Variants in ARFGEF3 observed in about 807,000 individuals in gnomAD.
The protein encoded by ARFGEF3 is ARFGEF family member 3.
ARFGEF3 carries 96 observed loss-of-function variants against 221.7 expected under a neutral mutation model. The ratio of observed to expected loss-of-function variants is 0.43; its 90% CI spans 0.37 to 0.51. ARFGEF3 has a LOEUF of 0.51. Ranked by LOEUF, ARFGEF3 falls within the 20% of genes least tolerant of loss-of-function variation. The probability of loss-of-function intolerance (pLI) is 0.00; values close to 1 mark genes in which losing one functional copy is unlikely to be tolerated. For synonymous variants in ARFGEF3, 1,145 were observed against 1,126.8 expected (o/e 1.02, Z -0.32); for missense variants, 2,410 against 2,789.9 (o/e 0.86, Z 3.07).
intron 22 of ARFGEF3, among the ~76,000 whole-genome samples, chr6:138,299,773 C>G (rs774821779): frequency 1.6e-4 from 24 of 152,248 alleles, no homozygotes; most frequent in Admixed American, 3.9e-4. Flanking sequence ...TCAATCAGGC[C>G]AAGGTTGAAT....
intron 32 of ARFGEF3, among the ~76,000 whole-genome samples, chr6:138,329,576 A>G (rs1780186505): frequency 6.6e-6 from 1 of 152,220 alleles, no homozygotes; most frequent in East Asian, 1.9e-4. Context: ...AGGCAGGAGA[A>G]TCGCTTGAAC....
At chr6:138,228,172 ATTTTTTT>A (rs549915422) in intron 4 of ARFGEF3, among the ~76,000 whole-genome samples, 5 of 106,438 alleles carry the variant, frequency 4.7e-5, no homozygotes, top group South Asian at 2.9e-4. Flanking sequence ...CACTGAGACA[ATTTTTTT>A]TTTTTTTTTT....
chr6:138,263,751 G>A, intron 12 of ARFGEF3, 140 bp downstream of exon 12: 1 of 804,262 alleles, frequency 1.2e-6, no homozygotes, highest in Non-Finnish European at 1.9e-6. Flanking sequence ...TTTAAAGAGG[G>A]CGAAGAAATC....
chr6:138,336,337 AT>A lies in ARFGEF3; in HGVS notation c.6387del (p.Leu2130SerfsTer20). 1 of 1,606,034 alleles carries A rather than the reference AT, an allele frequency of 6.2e-7. No homozygotes were observed. The highest frequency in any genetic ancestry group is 8.5e-7 in the Non-Finnish European group (1 of 1,176,496). On this transcript the variant is annotated frameshift_variant, in exon 34 of 34. Transcript: ENST00000251691. LOFTEE classifies it high-confidence loss of function. ...GCTAACAGTTCTCAATCAGATTCAG[AT>A]TCTCCCAGACCAGACCTTCACGGCC... ...MVLTVLNQIQ[I>X]LPDQTFTALQ...
chr6:138,250,570 T>C (rs1467226531), intron 8 of ARFGEF3, among the ~76,000 whole-genome samples: 1 of 152,224 alleles, frequency 6.6e-6, no homozygotes, highest in South Asian at 2.1e-4. Flanking sequence ...TCAAATCTAT[T>C]TCTAAGGAAA....
intron 4 of ARFGEF3, among the ~76,000 whole-genome samples, chr6:138,210,842 G>A (rs183702275): frequency 6.6e-6 from 1 of 152,274 alleles, no homozygotes; most frequent in East Asian, 1.9e-4. Context: ...TGCACTGAAG[G>A]ATTTTTGTCT....
In ARFGEF3 at chr6:138,334,344, C is replaced by T. The variant is rs1271070364; in HGVS notation, c.5498C>T (p.Thr1833Met). 1.9e-6 allele frequency: 3 copies of T among 1,613,720 alleles called. No homozygotes were observed. The highest frequency in any genetic ancestry group is 1.3e-5 in the African/African-American group (1 of 74,894). ...CAVLTNQETI[T>M]AEQVKKVLFE... The stretch of plus-strand genomic sequence containing the variant: ...GTTCTCACCAATCAAGAAACCATCA[C>T]GGCCGAGCAAGTGAAGAAGGTCCTT... Residue 1833 changes from threonine (T) to methionine (M), a missense_variant, in exon 33 of 34, where the codon ACG becomes ATG. Physicochemically the swap from Thr to Met is moderately conservative, Grantham distance 81. This residue lies in a region of ARFGEF3 where 723 missense variants were observed against 991.9 expected (regional missense o/e 0.73). Coordinates refer to ENST00000251691, the MANE Select transcript of ARFGEF3 (RefSeq NM_020340.5). The surrounding 1 kb of genome is among the most constrained non-coding windows in gnomAD (Gnocchi z 5.1).
chr6:138,327,485 T>C (rs1451119465), intron 31 of ARFGEF3, among the ~76,000 whole-genome samples: 1 of 152,116 alleles, frequency 6.6e-6, no homozygotes, highest in Non-Finnish European at 1.5e-5. Flanking sequence ...CAGAGGAAAG[T>C]AGTGAAAGTA....
At chr6:138,209,025 GAA>G (rs1259137554) in intron 3 of ARFGEF3, among the ~76,000 whole-genome samples, 1 of 152,116 alleles carries the variant, frequency 6.6e-6, no homozygotes, top group Non-Finnish European at 1.5e-5. Flanking sequence ...ATGAAAATGA[GAA>G]AGAGATAGAA....
At chr6:138,331,025 C>T (rs1385695063) in intron 32 of ARFGEF3, among the ~76,000 whole-genome samples, 3 of 152,036 alleles carry the variant, frequency 2.0e-5, no homozygotes, top group Non-Finnish European at 4.4e-5. Context: ...TTCCTTTTTT[C>T]CTATTTCTAA....
At chr6:138,220,191 C>A (rs539119105) in intron 4 of ARFGEF3, among the ~76,000 whole-genome samples, 1 of 152,168 alleles carries the variant, frequency 6.6e-6, no homozygotes, top group African/African-American at 2.4e-5. Flanking sequence ...TTTGTAGAGA[C>A]AAGGTTTTGC....
chr6:138,175,246 A>G (rs1282060366), intron 2 of ARFGEF3, among the ~76,000 whole-genome samples: 1 of 152,166 alleles, frequency 6.6e-6, no homozygotes, highest in East Asian at 1.9e-4. Flanking sequence ...ATATTTCATG[A>G]CTTTATTAGT....
rs753805774 is a variant in ARFGEF3, at chr6:138,291,909, C to T, written c.3224C>T (p.Thr1075Met). 2 of 1,485,742 alleles carry T rather than the reference C, an allele frequency of 1.3e-6. No homozygotes were observed. The highest frequency in any genetic ancestry group is 1.8e-6 in the Non-Finnish European group (2 of 1,113,484). 92.0% of individuals were successfully genotyped at this position (1,485,742 alleles called of 1,614,324 possible). ...CCGGAGCAGGGGCGCTCCCTGAGCA[C>T]GGCCCCTGTCGTCCAGCCCCTGTCC... ...HSPEQGRSLS[T>M]APVVQPLSIQ... is the part of the protein sequence containing the mutation. Residue 1075 changes from threonine (T) to methionine (M), a missense_variant, in exon 19 of 34, where the codon ACG becomes ATG. Transcript: ENST00000251691. The surrounding 1 kb of genome is among the most constrained non-coding windows in gnomAD (Gnocchi z 4.5).
At chr6:138,194,983 T>A (rs1356424341) in intron 2 of ARFGEF3, among the ~76,000 whole-genome samples, 3 of 148,012 alleles carry the variant, frequency 2.0e-5, no homozygotes, top group Non-Finnish European at 4.5e-5. Context: ...CTTCACCTTT[T>A]CCCTAATTTT....
chr6:138,224,181 A>T, intron 4 of ARFGEF3, among the ~76,000 whole-genome samples: 1 of 152,208 alleles, frequency 6.6e-6, no homozygotes, highest in East Asian at 1.9e-4. Flanking sequence ...TCAACTCATA[A>T]ATCCTATACA....
At position 138,162,290 on chromosome 6, in the gene ARFGEF3, G is replaced by A; in HGVS notation, c.85+119G>A. ...TCATGGGTGCCGTTCTGGCGATTGC[G>A]AGAGTCGCCTCGGGAAATTGATGTG... On this transcript the variant is annotated intron_variant, in intron 1 of 33. Coordinates refer to ENST00000251691, the MANE Select transcript of ARFGEF3 (RefSeq NM_020340.5). The surrounding 1 kb of genome is among the most constrained non-coding windows in gnomAD (Gnocchi z 4.7). 8.1e-6 allele frequency: 5 copies of A among 619,932 alleles called. No individual in the cohort carries two copies. In the South Asian group the frequency reaches 1.1e-4, roughly 13 times the overall value. 38.4% of individuals were successfully genotyped at this position (619,932 alleles called of 1,614,324 possible). A position where few individuals can be genotyped will look rare whatever the true frequency, so the allele number is the denominator to read the frequency against.
intron 14 of ARFGEF3, 26 bp downstream of exon 14, chr6:138,280,190 G>T: frequency 4.3e-6 from 7 of 1,610,662 alleles, no homozygotes; most frequent in Non-Finnish European, 5.9e-6. Context: ...CAAGGCCTTG[G>T]GGCACGTGGT....
intron 18 of ARFGEF3, 88 bp downstream of exon 18, chr6:138,290,056 T>A: frequency 7.8e-7 from 1 of 1,286,768 alleles, no homozygotes; most frequent in Non-Finnish European, 1.1e-6. Flanking sequence ...GGGGTGGCCT[T>A]AAGAGCCTGC....
At chr6:138,250,455 G>A (rs973089280) in intron 8 of ARFGEF3, among the ~76,000 whole-genome samples, 8 of 152,274 alleles carry the variant, frequency 5.3e-5, no homozygotes, top group Admixed American at 2.0e-4. Context: ...CTATACCAAC[G>A]CAGGCTTGGA....
Sources: gnomAD v4.1 joint callset for allele counts (sites outside exome capture counted in the v4.1 genomes callset) on GRCh38, gnomAD v4.1.1 for gene constraint, gnomAD v4.1.1 regional missense constraint, Gnocchi (gnomAD v3.1) non-coding constraint, MANE v1.5 for transcripts, NCBI Gene and HGNC (gene_info 2026-07-23, HGNC 2026-07-21) for gene names.